Variants in NAV2 observed in about 807,000 individuals in gnomAD.
The protein encoded by NAV2 is neuron navigator 2, also known as helicase, APC down-regulated 1.
NAV2 carries 54 observed loss-of-function variants against 223.2 expected under a neutral mutation model. That is an observed-to-expected ratio of 0.24 (90% confidence interval 0.19 to 0.30). The LOEUF (loss-of-function observed/expected upper bound fraction) is 0.30. Among genes scored for constraint, NAV2 ranks in the 10% least tolerant of loss-of-function variants. NAV2 has a pLI of 1.00. For missense variants in NAV2, 2,806 were observed against 3,147.5 expected (o/e 0.89, Z 2.60); for synonymous variants, 1,279 against 1,239.3 (o/e 1.03, Z -0.67).
intron 5 of NAV2, among the ~76,000 whole-genome samples, chr11:19,883,998 T>G (rs1207506537): frequency 6.6e-6 from 1 of 152,224 alleles, no homozygotes; most frequent in African/African-American, 2.4e-5. Flanking sequence ...GGACCCCATA[T>G]TTTGAGAATA....
intron 11 of NAV2, chr11:20,022,545 C>T: frequency 1.0e-6 from 1 of 985,376 alleles, no homozygotes; most frequent in Non-Finnish European, 1.2e-6. Context: ...CAGAAATTCT[C>T]TCTGTAGGCT....
intron 1 of NAV2, among the ~76,000 whole-genome samples, chr11:19,585,776 T>C (rs1340915942): frequency 6.6e-6 from 1 of 152,248 alleles, no homozygotes; most frequent in Non-Finnish European, 1.5e-5. Context: ...CTTCCCTTTG[T>C]GGGTAACCCA....
At chr11:19,371,869 C>T (rs1848483489) in intron 1 of NAV2, among the ~76,000 whole-genome samples, 1 of 149,792 alleles carries the variant, frequency 6.7e-6, no homozygotes, top group Non-Finnish European at 1.5e-5. Context: ...CCTCCTCCTC[C>T]TGGTTTCAAG....
intron 2 of NAV2, among the ~76,000 whole-genome samples, chr11:19,838,484 A>G (rs2060346494): frequency 6.6e-6 from 1 of 152,214 alleles, no homozygotes; most frequent in Admixed American, 6.5e-5. Flanking sequence ...CCAGCAAGGC[A>G]AAGTCGGGCA....
chr11:19,740,504 A>G (rs1198355152), intron 1 of NAV2, among the ~76,000 whole-genome samples: 1 of 152,062 alleles, frequency 6.6e-6, no homozygotes, highest in Non-Finnish European at 1.5e-5. Context: ...CTCCACTATT[A>G]TCCTGTGACC....
At chr11:19,536,123 A>G (rs1405983247) in intron 1 of NAV2, among the ~76,000 whole-genome samples, 1 of 152,204 alleles carries the variant, frequency 6.6e-6, no homozygotes, top group Non-Finnish European at 1.5e-5. Flanking sequence ...CTTATGTTGA[A>G]TGCTTTACGT....
chr11:19,370,409 C>A (rs1343107715), intron 1 of NAV2, among the ~76,000 whole-genome samples: 1 of 152,226 alleles, frequency 6.6e-6, no homozygotes, highest in Admixed American at 6.5e-5. Context: ...GAGACTTGTT[C>A]TAATTACCTA....
rs564180436 is a variant in NAV2, at chr11:20,032,599, C to A, written c.2769-3360C>A. 5.9e-5 allele frequency among the ~76,000 whole-genome samples: 9 copies of A among 152,312 alleles called. No homozygotes were observed. The South Asian group carries it at 1.9e-3, about 32-fold the overall frequency. ...ACATTAAATTCCTAACCCCAAAGAG[C>A]AGATGCAAGAAAAGACACATGAGAT... On this transcript the variant is annotated intron_variant, in intron 11 of 37. Transcript: ENST00000349880.
At chr11:19,905,756 C>T (rs1426721279) in intron 6 of NAV2, among the ~76,000 whole-genome samples, 2 of 152,162 alleles carry the variant, frequency 1.3e-5, no homozygotes, top group African/African-American at 4.8e-5. Context: ...TTACCTAGGT[C>T]ACCTGACTCC....
intron 37 of NAV2, among the ~76,000 whole-genome samples, chr11:20,116,164 A>T (rs932264609): frequency 4.6e-5 from 7 of 152,238 alleles, no homozygotes; most frequent in Non-Finnish European, 1.0e-4. Flanking sequence ...AATATTATTT[A>T]CATTACCTAA....
intron 1 of NAV2, among the ~76,000 whole-genome samples, chr11:19,677,589 C>G (rs968325236): frequency 5.9e-5 from 9 of 152,216 alleles, no homozygotes; most frequent in African/African-American, 2.2e-4. Context: ...TTATCTGTCC[C>G]AAACTCCTCA....
intron 1 of NAV2, among the ~76,000 whole-genome samples, chr11:19,544,379 C>T (rs2044427999): frequency 6.6e-6 from 1 of 152,120 alleles, no homozygotes; most frequent in African/African-American, 2.4e-5. Context: ...CCATAAAGAT[C>T]AGGTTCAGAT....
chr11:19,623,197 A>G (rs1428125559), intron 1 of NAV2, among the ~76,000 whole-genome samples: 3 of 151,886 alleles, frequency 2.0e-5, no homozygotes, highest in African/African-American at 7.3e-5. Flanking sequence ...TGCCCTTAAC[A>G]TTTTTTCCTT....
At chr11:20,106,155 GTATATATATATA>G (rs1554968868) in intron 35 of NAV2, among the ~76,000 whole-genome samples, 2 of 31,498 alleles carry the variant, frequency 6.3e-5, no homozygotes, top group African/African-American at 1.3e-4. Flanking sequence ...GTGTGTGTGT[GTATATATATATA>G]TATATATATG....
At chr11:20,033,601 C>T (rs1358734382) in intron 11 of NAV2, among the ~76,000 whole-genome samples, 2 of 152,180 alleles carry the variant, frequency 1.3e-5, no homozygotes, top group Non-Finnish European at 2.9e-5. Flanking sequence ...TGAGCCCTCA[C>T]TCTCCCTGCC....
At chr11:19,811,292 G>A (rs1193486826) in intron 1 of NAV2, among the ~76,000 whole-genome samples, 1 of 152,088 alleles carries the variant, frequency 6.6e-6, no homozygotes, top group Admixed American at 6.5e-5. Flanking sequence ...GGAGCTGTGT[G>A]GGTGGCCAAG....
At chr11:19,417,033 TG>T (rs1850401193) in intron 1 of NAV2, among the ~76,000 whole-genome samples, 1 of 152,202 alleles carries the variant, frequency 6.6e-6, no homozygotes, top group African/African-American at 2.4e-5. Context: ...GATGTAGGCG[TG>T]GGCAAAGACT....
chr11:20,025,700 C>A lies in NAV2; in HGVS notation c.2769-10259C>A, dbSNP rs181099610. ...TGATGGCTGCTAAATCCCCTTGGAG[C>A]CTTTTTTATGCGGTTTGTGTTTTCC... On this transcript the variant is annotated intron_variant, in intron 11 of 37. Transcript: ENST00000349880. Among the ~76,000 whole-genome samples, 4 of 152,280 alleles carry A rather than the reference C, an allele frequency of 2.6e-5. No homozygotes were observed. The East Asian group carries it at 7.7e-4, about 29-fold the overall frequency.
At chr11:20,093,055 G>T in intron 28 of NAV2, 44 bp from the exon 29 acceptor site, 1 of 1,461,696 alleles carries the variant, frequency 6.8e-7, no homozygotes, top group Non-Finnish European at 9.5e-7. Flanking sequence ...AGCTGGCTTT[G>T]CTGTCCCCAT....
Sources: allele counts gnomAD v4.1 joint callset (sites outside exome capture counted in the v4.1 genomes callset), GRCh38; gene constraint gnomAD v4.1.1; transcripts MANE v1.5; gene names NCBI Gene and HGNC (gene_info 2026-07-23, HGNC 2026-07-21).